Variants in HTD2 observed in about 807,000 individuals in gnomAD.
The protein encoded by HTD2 is hydroxyacyl-thioester dehydratase type 2, mitochondrial.
A neutral mutation model predicts 3.1 loss-of-function variants in HTD2; 1 was observed. The ratio of observed to expected loss-of-function variants is 0.32; its 90% CI spans 0.11 to 1.52. The LOEUF is 1.52. HTD2 is among the 40% of genes most tolerant of loss of function. HTD2 has a pLI of 0.39. For synonymous variants in HTD2, 50 were observed against 28.9 expected (o/e 1.73, Z -2.34); for missense variants, 150 against 79.6 (o/e 1.88, Z -3.36).
intron 1 of HTD2, among the ~76,000 whole-genome samples, chr3:58,308,464 G>T (rs944156369): frequency 1.4e-5 from 2 of 147,032 alleles, no homozygotes; most frequent in Admixed American, 1.4e-4. Context: ...AAGTTTTTTT[G>T]TTTTTTTTTT....
At position 58,318,237 on chromosome 3, in the gene HTD2, G is replaced by C. The variant is rs2097490450; in HGVS notation, c.*117G>C. ...AGGCCCAGAAGCCCATCTTAGTTAG[G>C]GGAAGGGAGCAGGAAGAGGGTTGTT... On this transcript the variant is annotated 3_prime_UTR_variant, in exon 5 of 5. Coordinates refer to ENST00000461393, the MANE Select transcript of HTD2 (RefSeq NM_001348712.2). The C allele has an allele frequency of 3.4e-6, 2 of 581,334 alleles. No homozygotes were observed. Among genetic ancestry groups the C allele is most frequent in the African/African-American group, 3.7e-5 (2 of 53,550 alleles). The allele number at this position is 581,334 out of a possible 1,614,324, so 36.0% of individuals were successfully genotyped here.
At chr3:58,312,871 G>C (rs2097483804) in intron 2 of HTD2, among the ~76,000 whole-genome samples, 1 of 147,942 alleles carries the variant, frequency 6.8e-6, no homozygotes, top group Non-Finnish European at 1.5e-5. Flanking sequence ...TGAGGCAGGA[G>C]AATTGCTTGA....
chr3:58,313,588 C>T (rs887957864), intron 2 of HTD2, among the ~76,000 whole-genome samples: 1 of 152,114 alleles, frequency 6.6e-6, no homozygotes, highest in Non-Finnish European at 1.5e-5. Context: ...TTTTGAGAGG[C>T]CAAGCGGGTG....
At chr3:58,312,362 T>C (rs945016485) in intron 2 of HTD2, among the ~76,000 whole-genome samples, 6 of 99,834 alleles carry the variant, frequency 6.0e-5, no homozygotes, top group African/African-American at 2.4e-4. Flanking sequence ...CGGATTCAAG[T>C]GATTCTCCTG....
intron 2 of HTD2, among the ~76,000 whole-genome samples, chr3:58,315,268 C>T (rs757586790): frequency 5.9e-5 from 9 of 151,588 alleles, no homozygotes; most frequent in Non-Finnish European, 8.8e-5. Context: ...TTATGCTGAG[C>T]GAAAAAAAGC....
intron 2 of HTD2, 128 bp from the exon 3 acceptor site, chr3:58,316,387 C>T (rs750801979): frequency 1.4e-5 from 11 of 802,342 alleles, no homozygotes; most frequent in Non-Finnish European, 2.1e-5. Context: ...ACTAAAGTGC[C>T]AGCACCATTA....
At chr3:58,312,335 C>CG (rs1459179261) in intron 2 of HTD2, among the ~76,000 whole-genome samples, 1 of 83,778 alleles carries the variant, frequency 1.2e-5, no homozygotes, top group African/African-American at 4.3e-5. Context: ...AACCTCCGCA[C>CG]CCCCCCCCGC....
At chr3:58,308,808 A>G (rs931151996) in intron 1 of HTD2, among the ~76,000 whole-genome samples, 3 of 152,206 alleles carry the variant, frequency 2.0e-5, no homozygotes, top group Non-Finnish European at 2.9e-5. Flanking sequence ...AAGAGATTGC[A>G]TAACATGGGG....
At chr3:58,315,799 C>G (rs2097487665) in intron 2 of HTD2, 1 of 152,396 alleles carries the variant, frequency 6.6e-6, no homozygotes, top group South Asian at 2.1e-4. Flanking sequence ...GCCTCAGCCT[C>G]GCAAGTAGCT....
At chr3:58,309,332 C>G (rs2097479452) in intron 1 of HTD2, among the ~76,000 whole-genome samples, 1 of 152,182 alleles carries the variant, frequency 6.6e-6, no homozygotes, top group Admixed American at 6.5e-5. Context: ...CCTACGTTTA[C>G]TAAACCTCTG....
At chr3:58,306,430 C>T (rs954836774), upstream of HTD2, 3 of 152,438 alleles carry the variant, frequency 2.0e-5, no homozygotes, top group Non-Finnish European at 4.4e-5. Flanking sequence ...AGGTGGAAGC[C>T]TTCCAAAGAG....
At chr3:58,311,722 T>TC (rs2097482463) in intron 2 of HTD2, among the ~76,000 whole-genome samples, 1 of 151,682 alleles carries the variant, frequency 6.6e-6, no homozygotes, top group South Asian at 2.1e-4. Flanking sequence ...TTTTTTTTTT[T>TC]CCCCACCTTG....
intron 2 of HTD2, among the ~76,000 whole-genome samples, chr3:58,311,682 A>AGTACTG (rs4021306): frequency 0.36 from 53,784 of 149,358 alleles, 10,523 homozygotes; most frequent in East Asian, 0.81. Context: ...TATTGGGAAT[A>AGTACTG]CAATAAATAT....
chr3:58,317,163 A>G (rs541514348), intron 4 of HTD2, among the ~76,000 whole-genome samples, 170 bp downstream of exon 4: 82 of 152,376 alleles, frequency 5.4e-4, no homozygotes, highest in African/African-American at 1.9e-3. Context: ...CAGAGCACTT[A>G]GATTTTAAAA....
chr3:58,310,368 C>A, intron 1 of HTD2, 139 bp from the exon 2 acceptor site: 1 of 1,614,148 alleles, frequency 6.2e-7, no homozygotes, highest in Non-Finnish European at 8.5e-7. Context: ...GAGTAGTTTA[C>A]AAAAACCCTT....
chr3:58,311,136 T>G (rs940625271), intron 2 of HTD2, among the ~76,000 whole-genome samples: 3 of 150,110 alleles, frequency 2.0e-5, no homozygotes, highest in Non-Finnish European at 4.4e-5. Flanking sequence ...AAATCTACTT[T>G]TTGTTGTTGT....
intron 1 of HTD2, among the ~76,000 whole-genome samples, chr3:58,308,925 A>G (rs2097478830): frequency 6.6e-6 from 1 of 152,256 alleles, no homozygotes. Context: ...CAAGGTTGGC[A>G]TGGAGCCAAG....
intron 2 of HTD2, among the ~76,000 whole-genome samples, chr3:58,312,599 G>A (rs780120596): frequency 1.3e-5 from 2 of 152,046 alleles, no homozygotes; most frequent in African/African-American, 4.8e-5. Context: ...GCCTAGACTG[G>A]CACCTGCAAA....
At chr3:58,309,539 G>A (rs1489740106) in intron 1 of HTD2, among the ~76,000 whole-genome samples, 1 of 152,164 alleles carries the variant, frequency 6.6e-6, no homozygotes, top group African/African-American at 2.4e-5. Context: ...TTTTGTATTC[G>A]TATGGGTAAC....
Sources: gnomAD v4.1 joint callset for allele counts (sites outside exome capture counted in the v4.1 genomes callset) on GRCh38, gnomAD v4.1.1 for gene constraint, MANE v1.5 for transcripts, NCBI Gene and HGNC (gene_info 2026-07-23, HGNC 2026-07-21) for gene names.